Variants in PLPPR5 observed in about 807,000 individuals in gnomAD.
PLPPR5 encodes the protein phospholipid phosphatase related 5, also known as phospholipid phosphatase-related protein type 5.
A neutral mutation model predicts 33.9 loss-of-function variants in PLPPR5; 16 were observed. The observed-to-expected ratio is 0.47, with a 90% CI of 0.32 to 0.72. PLPPR5 has a LOEUF of 0.72. PLPPR5 is among the 30% of genes least tolerant of loss of function. The pLI is 0.03. For synonymous variants in PLPPR5, 163 were observed against 150.3 expected, an observed-to-expected ratio of 1.08 and a Z score of -0.62; for missense variants, 301 against 406.7, an observed-to-expected ratio of 0.74 and a Z score of 2.23.
intron 3 of PLPPR5, among the ~76,000 whole-genome samples, chr1:98,933,067 A>G (rs577141933): frequency 1.3e-5 from 2 of 152,258 alleles, no homozygotes; most frequent in African/African-American, 2.4e-5. Context: ...TTCTACCTCA[A>G]AACAGATGGC....
intron 1 of PLPPR5, among the ~76,000 whole-genome samples, chr1:98,987,248 G>T (rs1411988031): frequency 6.6e-6 from 1 of 151,788 alleles, no homozygotes; most frequent in Non-Finnish European, 1.5e-5. Flanking sequence ...CTCTTATGTA[G>T]TATAAGAGAG....
At chr1:98,905,683 C>T (rs1039682185) in intron 5 of PLPPR5, among the ~76,000 whole-genome samples, 4 of 152,114 alleles carry the variant, frequency 2.6e-5, no homozygotes, top group African/African-American at 9.7e-5. Flanking sequence ...TATTTTACCA[C>T]AGTTAAATCT....
chr1:98,922,998 AC>A (rs772845366), intron 3 of PLPPR5, among the ~76,000 whole-genome samples: 2 of 100,622 alleles, frequency 2.0e-5, no homozygotes, highest in African/African-American at 3.1e-5. Context: ...AACAACAACA[AC>A]AACAAAAAAA....
intron 3 of PLPPR5, among the ~76,000 whole-genome samples, chr1:98,938,307 A>C (rs1650246388): frequency 6.6e-6 from 1 of 151,692 alleles, no homozygotes; most frequent in African/African-American, 2.4e-5. Flanking sequence ...TGCAAAGTAT[A>C]GTATTTTATT....
intron 1 of PLPPR5, among the ~76,000 whole-genome samples, chr1:98,999,251 C>T (rs1037542837): frequency 6.6e-6 from 1 of 152,206 alleles, no homozygotes; most frequent in Non-Finnish European, 1.5e-5. Context: ...AACACGTATA[C>T]AGCTGGGCAC....
intron 1 of PLPPR5, among the ~76,000 whole-genome samples, chr1:99,000,822 A>C (rs969458551): frequency 1.3e-5 from 2 of 152,140 alleles, no homozygotes; most frequent in Non-Finnish European, 2.9e-5. Flanking sequence ...ATCTAATTTC[A>C]CAAATTAGAC....
intron 1 of PLPPR5, among the ~76,000 whole-genome samples, chr1:98,973,149 A>G (rs1487566563): frequency 6.6e-6 from 1 of 152,040 alleles, no homozygotes; most frequent in African/African-American, 2.4e-5. Flanking sequence ...AATTTTCCTA[A>G]TTGTTTAAAT....
chr1:98,962,119 T>C (rs932113502), intron 1 of PLPPR5, among the ~76,000 whole-genome samples: 2 of 152,244 alleles, frequency 1.3e-5, no homozygotes, highest in Non-Finnish European at 2.9e-5. Flanking sequence ...AAAACTCTCA[T>C]ACATTTACAT....
At chr1:98,922,218 A>G (rs1284237615) in intron 3 of PLPPR5, among the ~76,000 whole-genome samples, 160 bp from the exon 4 acceptor site, 6 of 152,230 alleles carry the variant, frequency 3.9e-5, no homozygotes, top group Non-Finnish European at 8.8e-5. Context: ...TCAGTTTCTT[A>G]AAAGCAGAAT....
intron 3 of PLPPR5, among the ~76,000 whole-genome samples, chr1:98,939,693 G>A (rs1304631686): frequency 6.6e-6 from 1 of 151,914 alleles, no homozygotes; most frequent in Non-Finnish European, 1.5e-5. Flanking sequence ...TGGTGGCAGT[G>A]CAGGTGGAGG....
At chr1:98,924,914 G>GT (rs1209049736) in intron 3 of PLPPR5, among the ~76,000 whole-genome samples, 1 of 152,108 alleles carries the variant, frequency 6.6e-6, no homozygotes, top group African/African-American at 2.4e-5. Flanking sequence ...AATTTCAAGG[G>GT]TTATATATTT....
rs1175607861 is a variant in PLPPR5, at chr1:98,892,883, A to AG, written c.*188dup. 2.8e-5 allele frequency: 16 copies of AG among 578,630 alleles called. No homozygotes were observed. Among genetic ancestry groups the AG allele is most frequent in the Non-Finnish European group, 4.2e-5 (14 of 336,412 alleles). 35.8% of individuals were successfully genotyped at this position (578,630 alleles called of 1,614,324 possible). A position where few individuals can be genotyped will look rare whatever the true frequency, so the allele number is the denominator to read the frequency against. Reference sequence around the variant, plus strand: ...AAGTGCTGGGGACACAGAAAAAAAAAGACAATCCTGCCCTCGAGGAGCTCA... The same window carrying AG: ...AAGTGCTGGGGACACAGAAAAAAAAAGGACAATCCTGCCCTCGAGGAGCTCA... On this transcript the variant is annotated 3_prime_UTR_variant, in exon 6 of 6. Coordinates refer to ENST00000263177, the MANE Select transcript of PLPPR5 (RefSeq NM_001037317.2).
intron 1 of PLPPR5, among the ~76,000 whole-genome samples, chr1:98,958,238 G>A (rs574666480): frequency 6.6e-6 from 1 of 152,208 alleles, no homozygotes; most frequent in Admixed American, 6.5e-5. Flanking sequence ...TCTATGAAAA[G>A]TAGTATCTAT....
At chr1:98,910,335 T>C (rs559868497) in intron 5 of PLPPR5, among the ~76,000 whole-genome samples, 1 of 152,314 alleles carries the variant, frequency 6.6e-6, no homozygotes, top group Non-Finnish European at 1.5e-5. Flanking sequence ...TTTACTTGTT[T>C]ACTAGTATGA....
chr1:98,897,650 A>T (rs529947611), intron 5 of PLPPR5, among the ~76,000 whole-genome samples: 5 of 152,254 alleles, frequency 3.3e-5, no homozygotes, highest in Non-Finnish European at 4.4e-5. Flanking sequence ...TCATGCAATG[A>T]TTTATGTCTC....
At chr1:98,931,699 CG>C (rs1251981730) in intron 3 of PLPPR5, among the ~76,000 whole-genome samples, 2 of 151,650 alleles carry the variant, frequency 1.3e-5, no homozygotes, top group South Asian at 2.1e-4. Flanking sequence ...TGGGTCGGGA[CG>C]GGGGTGAGTA....
chr1:98,956,781 A>G, intron 1 of PLPPR5, 40 bp from the exon 2 acceptor site: 1 of 1,445,974 alleles, frequency 6.9e-7, no homozygotes, highest in Non-Finnish European at 9.3e-7. Flanking sequence ...TTAGAATTTA[A>G]CCAGTATAAA....
chr1:98,905,637 C>T (rs1269065417), intron 5 of PLPPR5, among the ~76,000 whole-genome samples: 1 of 151,946 alleles, frequency 6.6e-6, no homozygotes, highest in Non-Finnish European at 1.5e-5. Context: ...ATATCTTCTA[C>T]TTAAATTTTA....
intron 1 of PLPPR5, among the ~76,000 whole-genome samples, chr1:98,987,708 T>C (rs1652306491): frequency 6.6e-6 from 1 of 151,906 alleles, no homozygotes; most frequent in South Asian, 2.1e-4. Context: ...TCTATCACTC[T>C]AATGAAGAAA....
Sources: allele counts gnomAD v4.1 joint callset (sites outside exome capture counted in the v4.1 genomes callset), GRCh38; gene constraint gnomAD v4.1.1; transcripts MANE v1.5; gene names NCBI Gene and HGNC (gene_info 2026-07-23, HGNC 2026-07-21).